The following SAMD5 variants were observed in gnomAD, a reference collection of about 807,000 sequenced individuals.
SAMD5 encodes the protein sterile alpha motif domain-containing protein 5.
Under a neutral mutation model 11.3 loss-of-function variants are expected in SAMD5, and 13 were observed. That is an observed-to-expected ratio of 1.15 (90% CI 0.75 to 1.83). SAMD5 has a LOEUF of 1.83. Ranked by LOEUF, SAMD5 falls within the 40% of genes most tolerant of loss-of-function variation. The probability of loss-of-function intolerance (pLI) is 0.00; values close to 1 mark genes in which losing one functional copy is unlikely to be tolerated. For synonymous variants in SAMD5, 129 were observed against 111.3 expected (o/e 1.16, Z -1.00); for missense variants, 255 against 239.1 (o/e 1.07, Z -0.44).
intron 1 of SAMD5, among the ~76,000 whole-genome samples, chr6:147,688,486 G>A (rs550666708): frequency 1.3e-5 from 2 of 152,164 alleles, no homozygotes; most frequent in African/African-American, 4.8e-5. Flanking sequence ...GAGTTGATTT[G>A]AAATTTGGTT....
chr6:147,584,799 A>T (rs1229550142), intron 1 of SAMD5, among the ~76,000 whole-genome samples: 1 of 152,250 alleles, frequency 6.6e-6, no homozygotes, highest in Non-Finnish European at 1.5e-5. Flanking sequence ...GAAAGTTAGC[A>T]AAATATAACA....
intron 1 of SAMD5, among the ~76,000 whole-genome samples, chr6:147,647,186 A>G (rs938470762): frequency 2.0e-5 from 3 of 152,062 alleles, no homozygotes; most frequent in Non-Finnish European, 4.4e-5. Flanking sequence ...AAAATCATAA[A>G]GAATAGAAAA....
chr6:147,759,560 G>T, the SAMD5 span, among the ~76,000 whole-genome samples: 1 of 150,490 alleles, frequency 6.6e-6, no homozygotes, highest in Non-Finnish European at 1.5e-5. Context: ...TATCTAATAT[G>T]TATAACTTAT....
the SAMD5 span, among the ~76,000 whole-genome samples, chr6:147,868,483 A>G: frequency 6.6e-6 from 1 of 152,200 alleles, no homozygotes; most frequent in Non-Finnish European, 1.5e-5. Context: ...TGTTTTAGAC[A>G]TCTGCTCTGC....
chr6:147,621,614 A>G (rs547845411), intron 1 of SAMD5, among the ~76,000 whole-genome samples: 4 of 152,354 alleles, frequency 2.6e-5, no homozygotes, highest in Admixed American at 6.5e-5. Context: ...GGGAGTAGAC[A>G]TATGACCCAG....
chr6:147,928,507 G>A, the SAMD5 span, among the ~76,000 whole-genome samples: 7 of 151,994 alleles, frequency 4.6e-5, no homozygotes, highest in Non-Finnish European at 8.8e-5. Context: ...GGCATCCGTG[G>A]TAACATCTTC....
At chr6:147,936,589 C>T in the SAMD5 span, among the ~76,000 whole-genome samples, 1 of 152,092 alleles carries the variant, frequency 6.6e-6, no homozygotes, top group African/African-American at 2.4e-5. Flanking sequence ...CCACCAGATC[C>T]CACCTCCAAT....
the SAMD5 span, among the ~76,000 whole-genome samples, chr6:147,859,620 A>T: frequency 4.1e-3 from 620 of 152,284 alleles, 13 homozygotes; most frequent in East Asian, 0.037. Context: ...TTTGGGTTTC[A>T]CTAATTACTG....
chr6:147,703,901 A>G (rs560339161), intron 1 of SAMD5, among the ~76,000 whole-genome samples: 2 of 152,022 alleles, frequency 1.3e-5, no homozygotes, highest in South Asian at 4.2e-4. Flanking sequence ...TTTATTATTT[A>G]TTTATTTATT....
chr6:147,528,962 C>T (rs1788386744), intron 1 of SAMD5, among the ~76,000 whole-genome samples: 1 of 152,172 alleles, frequency 6.6e-6, no homozygotes, highest in Non-Finnish European at 1.5e-5. Flanking sequence ...TCACTTTTGA[C>T]CTGTGTGACC....
chr6:147,896,230 T>G, the SAMD5 span, among the ~76,000 whole-genome samples: 2 of 152,254 alleles, frequency 1.3e-5, no homozygotes, highest in East Asian at 1.9e-4. Flanking sequence ...TTGAACACAT[T>G]GTGTGGTGGG....
the SAMD5 span, among the ~76,000 whole-genome samples, chr6:147,856,754 T>C: frequency 3.2e-3 from 473 of 150,156 alleles, 3 homozygotes; most frequent in African/African-American, 0.011. Context: ...TCCAAGAATC[T>C]AGTGCTTTTT....
the SAMD5 span, among the ~76,000 whole-genome samples, chr6:147,765,815 A>G: frequency 6.6e-6 from 1 of 152,182 alleles, no homozygotes; most frequent in East Asian, 1.9e-4. Context: ...TCTCTAGAGA[A>G]ATGTAGAGAC....
the SAMD5 span, among the ~76,000 whole-genome samples, chr6:147,889,018 A>G: frequency 1.3e-5 from 2 of 152,326 alleles, no homozygotes; most frequent in Non-Finnish European, 1.5e-5. Flanking sequence ...GTAGTCTACA[A>G]CTACAAATCA....
chr6:147,835,576 T>C, the SAMD5 span, among the ~76,000 whole-genome samples: 1 of 152,126 alleles, frequency 6.6e-6, no homozygotes, highest in South Asian at 2.1e-4. Context: ...GTGGCTTGGC[T>C]TTGCACTTTC....
chr6:147,914,953 C>A, the SAMD5 span, among the ~76,000 whole-genome samples: 1 of 152,012 alleles, frequency 6.6e-6, no homozygotes, highest in Admixed American at 6.6e-5. Flanking sequence ...ATTTACATAT[C>A]ATAAAAGGCA....
chr6:147,687,718 G>A (rs1473903693), intron 1 of SAMD5, among the ~76,000 whole-genome samples: 1 of 152,170 alleles, frequency 6.6e-6, no homozygotes, highest in Non-Finnish European at 1.5e-5. Flanking sequence ...TGTTACACCT[G>A]TAGAGTGTTT....
the SAMD5 span, among the ~76,000 whole-genome samples, chr6:147,869,919 T>C: frequency 6.6e-6 from 1 of 152,100 alleles, no homozygotes; most frequent in Non-Finnish European, 1.5e-5. Flanking sequence ...TCTCCTTGTA[T>C]TGCACAAGCT....
chr6:147,646,863 C>T (rs1035901501), intron 1 of SAMD5, among the ~76,000 whole-genome samples: 4 of 151,598 alleles, frequency 2.6e-5, no homozygotes, highest in African/African-American at 4.8e-5. Flanking sequence ...AAAGGCCAGG[C>T]GTGGTGGCTC....
Sources: gnomAD v4.1 joint callset for allele counts (sites outside exome capture counted in the v4.1 genomes callset) on GRCh38, gnomAD v4.1.1 for gene constraint, MANE v1.5 for transcripts, NCBI Gene and HGNC (gene_info 2026-07-23, HGNC 2026-07-21) for gene names.